The following HLF variants were observed in gnomAD, a reference collection of about 807,000 sequenced individuals.
HLF encodes HLF transcription factor, PAR bZIP family member.
HLF carries 3 observed loss-of-function variants against 22.6 expected under a neutral mutation model. That is an observed-to-expected ratio of 0.13 (90% confidence interval 0.06 to 0.34). The LOEUF (loss-of-function observed/expected upper bound fraction) is 0.34. Ranked by LOEUF, HLF falls within the 10% of genes least tolerant of loss-of-function variation. HLF has a pLI of 1.00. For synonymous variants in HLF, 151 were observed against 151.8 expected (o/e 0.99, Z 0.04); for missense variants, 299 against 389.2 (o/e 0.77, Z 1.95).
chr17:55,320,864 G>A lies in HLF; in HGVS notation c.873G>A (p.Arg291=). 1 of 1,612,176 alleles carries A rather than the reference G, an allele frequency of 6.2e-7. No homozygotes were observed. Among genetic ancestry groups the A allele is most frequent in the Non-Finnish European group, 8.5e-7 (1 of 1,179,514 alleles). ...CKNILAKYEA[R]HGPL ...ACATACTTGCCAAGTATGAGGCCAG[G>A]CACGGGCCCCTGTAGGATGGCATTT... Residue 291 remains arginine, a synonymous_variant, in exon 4 of 4, where the codon AGG becomes AGA. Coordinates refer to ENST00000226067, the MANE Select transcript of HLF (RefSeq NM_002126.5). The surrounding 1 kb of genome is among the most constrained non-coding windows in gnomAD (Gnocchi z 4.2).
rs1208554074 is a variant in HLF, at chr17:55,321,162, C to G, written c.*283C>G. 3 of 396,878 alleles carry G rather than the reference C, an allele frequency of 7.6e-6. No individual in the cohort carries two copies. The highest frequency in any genetic ancestry group is 1.4e-5 in the Non-Finnish European group (3 of 215,054). The allele number at this position is 396,878 out of a possible 1,614,324, so 24.6% of individuals were successfully genotyped here. A position where few individuals can be genotyped will look rare whatever the true frequency, so the allele number is the denominator to read the frequency against. On this transcript the variant is annotated 3_prime_UTR_variant, in exon 4 of 4. Transcript: ENST00000226067. Reference sequence around the variant, plus strand: ...AACAAAGAAAGGTGCCATGTCTTTACTAGACTGAGGAGCCCTCTCGCGGGT... The same window carrying G: ...AACAAAGAAAGGTGCCATGTCTTTAGTAGACTGAGGAGCCCTCTCGCGGGT...
chr17:55,265,437 T>TTCTG lies in HLF; in HGVS notation c.-45_-44insGTCT, dbSNP rs2145285217. 2 of 1,220,876 alleles carry TTCTG rather than the reference T, an allele frequency of 1.6e-6. No individual in the cohort carries two copies. The highest frequency in any genetic ancestry group is 2.4e-6 in the Non-Finnish European group (2 of 837,102). The allele number at this position is 1,220,876 out of a possible 1,614,324, so 75.6% of individuals were successfully genotyped here. A position where few individuals can be genotyped will look rare whatever the true frequency, so the allele number is the denominator to read the frequency against. ...CAGCAACATTTTAGGGGGCGGTTGT[T>TTCTG]TCTTTCTTATTTCTTTTTTTAAGGG... is the stretch of plus-strand genomic sequence containing the variant. On this transcript the variant is annotated 5_prime_UTR_variant, in exon 1 of 4. Transcript: ENST00000226067.
intron 2 of HLF, among the ~76,000 whole-genome samples, chr17:55,294,274 A>G (rs1282490113): frequency 6.6e-6 from 1 of 152,162 alleles, no homozygotes; most frequent in African/African-American, 2.4e-5. Flanking sequence ...TGGTCAAGAG[A>G]ATGTGTCTTT....
intron 2 of HLF, among the ~76,000 whole-genome samples, chr17:55,314,631 T>G (rs1181566808): frequency 6.6e-6 from 1 of 152,246 alleles, no homozygotes; most frequent in East Asian, 1.9e-4. Flanking sequence ...AGACTATACG[T>G]GGTTCTGCAA....
chr17:55,298,559 A>G (rs1258222249), intron 2 of HLF, among the ~76,000 whole-genome samples: 1 of 152,184 alleles, frequency 6.6e-6, no homozygotes, highest in Non-Finnish European at 1.5e-5. Context: ...CAAGCTGGAA[A>G]ATTTCAGTTT....
intron 2 of HLF, among the ~76,000 whole-genome samples, chr17:55,293,248 A>AC (rs1001830136): frequency 1.7e-5 from 2 of 119,864 alleles, no homozygotes; most frequent in Non-Finnish European, 3.5e-5. Context: ...TAATATATAC[A>AC]TTTTTTTAAT....
chr17:55,283,343 G>A (rs2080971585), intron 2 of HLF: 1 of 152,246 alleles, frequency 6.6e-6, no homozygotes, highest in Non-Finnish European at 1.5e-5. Flanking sequence ...TTTTGAAAGG[G>A]TCTGAGGCTC....
chr17:55,291,771 T>G (rs1344240848), intron 2 of HLF, among the ~76,000 whole-genome samples: 1 of 152,212 alleles, frequency 6.6e-6, no homozygotes, highest in African/African-American at 2.4e-5. Context: ...ATCAAAAGCC[T>G]TCTGAAAGGA....
At chr17:55,301,818 C>A (rs562798149) in intron 2 of HLF, among the ~76,000 whole-genome samples, 2 of 152,308 alleles carry the variant, frequency 1.3e-5, no homozygotes, top group African/African-American at 4.8e-5. Context: ...TGGCAGAGAC[C>A]AGTTAGGAAG....
intron 2 of HLF, among the ~76,000 whole-genome samples, chr17:55,314,318 T>G (rs1294029671): frequency 6.6e-6 from 1 of 152,210 alleles, no homozygotes; most frequent in Non-Finnish European, 1.5e-5. Flanking sequence ...TTCTAATTTG[T>G]TAAATATTTC....
intron 2 of HLF, among the ~76,000 whole-genome samples, chr17:55,306,414 A>C (rs541297188): frequency 1.3e-4 from 20 of 152,194 alleles, no homozygotes; most frequent in Non-Finnish European, 2.5e-4. Flanking sequence ...GTGTGGAGAG[A>C]ATTGCTGGAT....
chr17:55,272,847 T>C (rs1439748501), intron 2 of HLF: 1 of 152,274 alleles, frequency 6.6e-6, no homozygotes, highest in African/African-American at 2.4e-5. Context: ...AGACTGATAA[T>C]GTCTGCAGGT....
intron 2 of HLF, among the ~76,000 whole-genome samples, chr17:55,307,074 C>A (rs1429682840): frequency 6.7e-6 from 1 of 148,710 alleles, no homozygotes; most frequent in Non-Finnish European, 1.5e-5. Context: ...TTTTTTTTTT[C>A]CTCATCCCAT....
chr17:55,308,324 A>G (rs1567823878), intron 2 of HLF, among the ~76,000 whole-genome samples: 1 of 152,194 alleles, frequency 6.6e-6, no homozygotes, highest in Admixed American at 6.5e-5. Flanking sequence ...TATTATCTGT[A>G]TTTTGTATAT....
At position 55,320,683 on chromosome 17, in the gene HLF, G is replaced by A; in HGVS notation, c.692G>A (p.Arg231Lys). Residue 231 changes from arginine to lysine, a missense_variant, in exon 4 of 4, where the codon AGG becomes AAG. By Grantham distance (26) the Arg-to-Lys change is conservative. Coordinates refer to ENST00000226067, the MANE Select transcript of HLF (RefSeq NM_002126.5). This position sits in a 1 kb window ranked among gnomAD's most constrained non-coding sequence, Gnocchi z 4.2. ...GAGCAGGATGACAAGTACTGGGCAA[G>A]GCGCAGAAAGAACAACATGGCAGCC... is the stretch of plus-strand genomic sequence containing the variant. The part of the protein sequence containing the change: ...DDLKDDKYWA[R>K]RRKNNMAAKR... The A allele has an allele frequency of 6.2e-7, 1 of 1,614,186 alleles. No homozygotes were observed. Among genetic ancestry groups the A allele is most frequent in the East Asian group, 2.2e-5 (1 of 44,874 alleles).
intron 2 of HLF, among the ~76,000 whole-genome samples, chr17:55,298,870 A>G (rs1424347765): frequency 1.3e-5 from 2 of 152,244 alleles, no homozygotes; most frequent in Non-Finnish European, 2.9e-5. Context: ...ATCTGAATGT[A>G]AAAATCAGAT....
chr17:55,324,790 AGT>A lies in HLF; in HGVS notation c.*3929_*3930del, dbSNP rs72476932. The A allele has an allele frequency of 0.018, 3,425 of 186,680 alleles. No individual in the cohort carries two copies. The highest frequency in any genetic ancestry group is 0.057 in the East Asian group (531 of 9,262). 11.6% of individuals were successfully genotyped at this position (186,680 alleles called of 1,614,324 possible). A position where few individuals can be genotyped will look rare whatever the true frequency, so the allele number is the denominator to read the frequency against. ...CATTTTGCAGGAGGCTAAGTGTAAG[AGT>A]GTGTGTGTGTGTGTGTGCGTGCATG... On this transcript the variant is annotated 3_prime_UTR_variant, in exon 4 of 4. Coordinates refer to ENST00000226067, the MANE Select transcript of HLF (RefSeq NM_002126.5).
In HLF at chr17:55,321,193, A is replaced by G; in HGVS notation, c.*314A>G. 1 of 313,622 alleles carries G rather than the reference A, an allele frequency of 3.2e-6. No homozygotes were observed. Among genetic ancestry groups the G allele is most frequent in the South Asian group, 6.2e-5 (1 of 16,210 alleles). The allele number at this position is 313,622 out of a possible 1,614,324, so 19.4% of individuals were successfully genotyped here. ...TGAGGAGCCCTCTCGCGGGTCTCCCATCCCCTCCCTCCTTCACTCCTGCCT... is the reference window on the plus strand; with the variant it reads ...TGAGGAGCCCTCTCGCGGGTCTCCCGTCCCCTCCCTCCTTCACTCCTGCCT... On this transcript the variant is annotated 3_prime_UTR_variant, in exon 4 of 4. Coordinates refer to ENST00000226067, the MANE Select transcript of HLF (RefSeq NM_002126.5).
rs1232526885 is a variant in HLF, at chr17:55,320,562, C to T, written c.673-102C>T. The T allele has an allele frequency of 5.3e-6, 5 of 949,872 alleles. No individual in the cohort carries two copies. Among genetic ancestry groups the T allele is most frequent in the African/African-American group, 5.0e-5 (3 of 60,282 alleles). The allele number at this position is 949,872 out of a possible 1,614,324, so 58.8% of individuals were successfully genotyped here. On this transcript the variant is annotated intron_variant, in intron 3 of 3. Transcript: ENST00000226067. The surrounding 1 kb of genome is among the most constrained non-coding windows in gnomAD (Gnocchi z 4.2). ...ACACAAGCTAAGAAACCCGGGCTGGCACCTCTGCACAATCCTGGAGCCTGC... is the reference window on the plus strand; with the variant it reads ...ACACAAGCTAAGAAACCCGGGCTGGTACCTCTGCACAATCCTGGAGCCTGC...
Sources: allele counts gnomAD v4.1 joint callset (sites outside exome capture counted in the v4.1 genomes callset), GRCh38; gene constraint gnomAD v4.1.1; non-coding constraint Gnocchi (gnomAD v3.1); transcripts MANE v1.5; gene names NCBI Gene and HGNC (gene_info 2026-07-23, HGNC 2026-07-21).